Variants in NADK2 observed in about 807,000 individuals in gnomAD.
NADK2 encodes the protein NAD kinase 2, mitochondrial, also known as NAD kinase domain-containing protein 1, mitochondrial.
NADK2 carries 35 observed loss-of-function variants against 62.1 expected under a neutral mutation model. The observed-to-expected ratio is 0.56, with a 90% CI of 0.43 to 0.75. The LOEUF (loss-of-function observed/expected upper bound fraction) is 0.75, where lower values mean the gene tolerates loss of function less well. Ranked by LOEUF, NADK2 falls within the 30% of genes least tolerant of loss-of-function variation. The pLI is 0.00. For missense variants in NADK2, 439 were observed against 561.3 expected, an observed-to-expected ratio of 0.78 and a Z score of 2.20; for synonymous variants, 205 against 207.9, an observed-to-expected ratio of 0.99 and a Z score of 0.12.
rs1747311159 is a variant in NADK2 at position 36,222,501 on chromosome 5, T to A, written c.561-2822A>T. Among the ~76,000 whole-genome samples the A allele has an allele frequency of 3.9e-5, 6 of 152,300 alleles. No individual in the cohort carries two copies. The South Asian group carries it at 1.2e-3, about 32-fold the overall frequency. ...ATTTTTTAAGCTAAAGAATGTGTCA[T>A]GCCTGTGGACATATGAGGACAGGTG... On this transcript the variant is annotated intron_variant, in intron 4 of 11. Coordinates refer to ENST00000381937, the MANE Select transcript of NADK2 (RefSeq NM_001085411.3).
In NADK2 at chr5:36,202,885, A is replaced by T. The variant is rs1746497799; in HGVS notation, c.957-1724T>A. On this transcript the variant is annotated intron_variant, in intron 8 of 11. Transcript: ENST00000381937. ...CTTTACAAGAACAAGAAATAGACTT[A>T]TACTGTGTTAAGCCACTGAGATTGG... 2.6e-5 allele frequency among the ~76,000 whole-genome samples: 4 copies of T among 152,120 alleles called. No individual in the cohort carries two copies. The South Asian group carries it at 8.3e-4, about 32-fold the overall frequency.
chr5:36,220,956 TC>T (rs1747244089), intron 4 of NADK2: 1 of 152,224 alleles, frequency 6.6e-6, no homozygotes, highest in African/African-American at 2.4e-5. Context: ...CAATGAACAA[TC>T]CTAAAGACCA....
At chr5:36,207,320 GA>G (rs1746677667) in intron 7 of NADK2, 55 bp from the exon 8 acceptor site, 4 of 1,382,412 alleles carry the variant, frequency 2.9e-6, no homozygotes, top group Non-Finnish European at 4.1e-6. Context: ...AGGTAAATAA[GA>G]GAGTCTTCTT....
In NADK2 at chr5:36,194,448, CTA is replaced by C. The variant is rs1282636745; in HGVS notation, c.*694_*695del. 1 of 152,132 alleles carries C rather than the reference CTA, an allele frequency of 6.6e-6. No individual in the cohort carries two copies. Among genetic ancestry groups the C allele is most frequent in the Admixed American group, 6.6e-5 (1 of 15,266 alleles). The allele number at this position is 152,132 out of a possible 1,614,324, so 9.4% of individuals were successfully genotyped here. ...TTGACTTAAAACACTTATTGGATAA[CTA>C]ATACATTTGTAACAGCATCATGATT... On this transcript the variant is annotated 3_prime_UTR_variant, in exon 12 of 12. Coordinates refer to ENST00000381937, the MANE Select transcript of NADK2 (RefSeq NM_001085411.3).
In NADK2 at chr5:36,226,459, T is replaced by G. The variant is rs751908310; in HGVS notation, c.478+16A>C. 6 of 1,592,958 alleles carry G rather than the reference T, an allele frequency of 3.8e-6. No individual in the cohort carries two copies. The South Asian group carries it at 6.6e-5, about 18-fold the overall frequency. ...ATTTGTATATGCCAACATCTTTACT[T>G]CTGTCAAATTATTACCTCCTGCAGC... On this transcript the variant is annotated intron_variant, in intron 3 of 11. Coordinates refer to ENST00000381937, the MANE Select transcript of NADK2 (RefSeq NM_001085411.3).
chr5:36,196,749 A>G (rs573316246), intron 11 of NADK2, among the ~76,000 whole-genome samples: 4 of 152,272 alleles, frequency 2.6e-5, no homozygotes, highest in South Asian at 2.1e-4. Context: ...TAAGTAGTAT[A>G]TATCTTTGAA....
intron 7 of NADK2, among the ~76,000 whole-genome samples, chr5:36,210,965 C>T (rs1206110889): frequency 2.0e-5 from 3 of 152,098 alleles, no homozygotes; most frequent in African/African-American, 7.2e-5. Context: ...CCAACCTGGG[C>T]AACATTTAGA....
At chr5:36,201,233 A>G in intron 8 of NADK2, 72 bp from the exon 9 acceptor site, 2 of 1,359,190 alleles carry the variant, frequency 1.5e-6, no homozygotes, top group Non-Finnish European at 2.1e-6. Flanking sequence ...GGAATAACCT[A>G]CTTAAAATAT....
Position 36,195,104 on chromosome 5 carries a change from T to A in NADK2, c.*40A>T. The A allele has an allele frequency of 6.3e-7, 1 of 1,575,604 alleles. No homozygotes were observed. The highest frequency in any genetic ancestry group is 8.6e-7 in the Non-Finnish European group (1 of 1,163,744). ...TGGTAGTCTGTTTCTGAAGTAAAAA[T>A]ATTCTCGCCAGTAATCAAAATTTGT... On this transcript the variant is annotated 3_prime_UTR_variant, in exon 12 of 12. Transcript: ENST00000381937.
chr5:36,225,173 A>G (rs1747435724), intron 4 of NADK2, among the ~76,000 whole-genome samples: 2 of 152,190 alleles, frequency 1.3e-5, no homozygotes, highest in Admixed American at 1.3e-4. Context: ...AGATGTATAT[A>G]TATTTTTCAT....
At chr5:36,233,320 C>A (rs1027395850) in intron 1 of NADK2, among the ~76,000 whole-genome samples, 2 of 152,146 alleles carry the variant, frequency 1.3e-5, no homozygotes, top group Non-Finnish European at 2.9e-5. Context: ...AGTTTTCATA[C>A]AACGTCCAAA....
chr5:36,218,520 G>A (rs1178773015), intron 5 of NADK2, among the ~76,000 whole-genome samples: 2 of 152,138 alleles, frequency 1.3e-5, no homozygotes, highest in Non-Finnish European at 1.5e-5. Context: ...CTATAAATTA[G>A]CCATTTCTTG....
chr5:36,211,958 G>C, intron 6 of NADK2, 36 bp from the exon 7 acceptor site: 3 of 1,458,062 alleles, frequency 2.1e-6, no homozygotes, highest in Non-Finnish European at 2.8e-6. Context: ...ATCCAAGATA[G>C]CTCCTTGATT....
At chr5:36,201,182 A>G in intron 8 of NADK2, 21 bp from the exon 9 acceptor site, 1 of 1,598,342 alleles carries the variant, frequency 6.3e-7, no homozygotes, top group Non-Finnish European at 8.6e-7. Flanking sequence ...AAATCACATA[A>G]TTCTTAGTTT....
At chr5:36,226,621 G>T (rs993961825) in intron 2 of NADK2, 58 bp from the exon 3 acceptor site, 14 of 1,235,012 alleles carry the variant, frequency 1.1e-5, no homozygotes, top group Non-Finnish European at 1.6e-5. Context: ...TATAACAGGG[G>T]TATGTTTTCT....
chr5:36,230,949 T>C (rs769867517), intron 1 of NADK2, among the ~76,000 whole-genome samples: 21 of 152,246 alleles, frequency 1.4e-4, no homozygotes, highest in Non-Finnish European at 2.9e-4. Flanking sequence ...CAGTTATATC[T>C]AATTTACCAC....
At chr5:36,202,636 G>C (rs1325673550) in intron 8 of NADK2, among the ~76,000 whole-genome samples, 4 of 152,074 alleles carry the variant, frequency 2.6e-5, no homozygotes, top group Admixed American at 2.6e-4. Flanking sequence ...ATAGTCATGT[G>C]ACTGAGTTGT....
chr5:36,224,813 C>G (rs543534695), intron 4 of NADK2, among the ~76,000 whole-genome samples: 1 of 152,080 alleles, frequency 6.6e-6, no homozygotes, highest in South Asian at 2.1e-4. Context: ...GTGGCTAGAA[C>G]AGAATGAGGG....
Position 36,197,775 on chromosome 5 carries a change from T to G in NADK2, c.1067-111A>C, listed in dbSNP as rs1414107386. 4 of 929,184 alleles carry G rather than the reference T, an allele frequency of 4.3e-6. No homozygotes were observed. The African/African-American group carries it at 6.9e-5, about 16-fold the overall frequency. 57.6% of individuals were successfully genotyped at this position (929,184 alleles called of 1,614,324 possible). On this transcript the variant is annotated intron_variant, in intron 10 of 11. Coordinates refer to ENST00000381937, the MANE Select transcript of NADK2 (RefSeq NM_001085411.3). ...TTAAATTCTGTTCCAAAAGTATATTTGGGAACAAGTTTCTTGAAACTCGTA... is the reference window on the plus strand; with the variant it reads ...TTAAATTCTGTTCCAAAAGTATATTGGGGAACAAGTTTCTTGAAACTCGTA...
Sources: gnomAD v4.1 joint callset for allele counts (sites outside exome capture counted in the v4.1 genomes callset) on GRCh38, gnomAD v4.1.1 for gene constraint, MANE v1.5 for transcripts, NCBI Gene and HGNC (gene_info 2026-07-23, HGNC 2026-07-21) for gene names.